The following BRI3 variants were observed in gnomAD, a reference collection of about 807,000 sequenced individuals.
The protein encoded by BRI3 is membrane protein BRI3.
BRI3 carries 6 observed loss-of-function variants against 12.8 expected under a neutral mutation model. The observed-to-expected ratio is 0.47, with a 90% CI of 0.26 to 0.93. The LOEUF is 0.93. Among genes scored for constraint, BRI3 ranks in the 40% least tolerant of loss-of-function variants. The pLI is 0.15. For missense variants in BRI3, 134 were observed against 171.1 expected (o/e 0.78, Z 1.21); for synonymous variants, 91 against 76.1 (o/e 1.20, Z -1.02).
downstream of BRI3, chr7:98,293,924 C>A: frequency 1.1e-6 from 1 of 912,026 alleles, no homozygotes. Context: ...GTTGGTAAAG[C>A]GAGCAGGGGG....
Position 98,281,850 on chromosome 7 carries a change from G to T in BRI3, c.55G>T (p.Gly19Cys). 1 of 1,301,544 alleles carries T rather than the reference G, an allele frequency of 7.7e-7. No individual in the cohort carries two copies. The highest frequency in any genetic ancestry group is 9.8e-7 in the Non-Finnish European group (1 of 1,021,832). The allele number at this position is 1,301,544 out of a possible 1,614,324, so 80.6% of individuals were successfully genotyped here. A position where few individuals can be genotyped will look rare whatever the true frequency, so the allele number is the denominator to read the frequency against. The change falls in exon 1 of 3, where the codon GGC becomes TGC. Residue 19 changes from glycine to cysteine, a missense_variant. By Grantham distance (159) the Gly-to-Cys change is radical. Coordinates refer to ENST00000297290, the MANE Select transcript of BRI3 (RefSeq NM_015379.5). ...ERPPAYNLEAGQGDYACGPHG... is the reference protein window; with the variant it reads ...ERPPAYNLEACQGDYACGPHG... ...GCCGCCCGCCTACAACCTGGAGGCCGGCCAGGGCGACTACGCGTGCGGCCC... is the reference window on the plus strand; with the variant it reads ...GCCGCCCGCCTACAACCTGGAGGCCTGCCAGGGCGACTACGCGTGCGGCCC...
At chr7:98,318,599 C>T in the BRI3 span, among the ~76,000 whole-genome samples, 1 of 151,754 alleles carries the variant, frequency 6.6e-6, no homozygotes, top group African/African-American at 2.4e-5. Context: ...CTTAAACGGA[C>T]CCGCGTCAGA....
chr7:98,318,945 CAA>C, the BRI3 span, among the ~76,000 whole-genome samples: 43 of 114,550 alleles, frequency 3.8e-4, no homozygotes, highest in South Asian at 5.8e-4. Flanking sequence ...GACTCCATCT[CAA>C]AAAAAAAAAA....
the BRI3 span, chr7:98,317,073 G>A: frequency 9.3e-5 from 93 of 999,834 alleles, no homozygotes; most frequent in Middle Eastern, 2.2e-4. Flanking sequence ...GGCTGGTCTC[G>A]AACTCCTGAC....
At chr7:98,307,613 GAC>G in exon 2 of BRI3, 2 of 1,583,502 alleles carry the variant, frequency 1.3e-6, no homozygotes, top group South Asian at 1.1e-5. Context: ...TGTCCACGAA[GAC>G]AGTTTGCAGC....
downstream of BRI3, among the ~76,000 whole-genome samples, chr7:98,295,582 G>C (rs910116825): frequency 5.3e-5 from 8 of 152,168 alleles, no homozygotes; most frequent in African/African-American, 1.7e-4. Flanking sequence ...CTCTGTTGCA[G>C]AAGGGCCATG....
chr7:98,293,389 G>T, downstream of BRI3: 1 of 807,098 alleles, frequency 1.2e-6, no homozygotes, highest in Non-Finnish European at 2.0e-6. Context: ...AGCATGATTT[G>T]CTTAAGCAGG....
downstream of BRI3, chr7:98,291,591 G>A (rs568197007): frequency 6.8e-6 from 7 of 1,030,544 alleles, no homozygotes; most frequent in South Asian, 2.6e-5. Flanking sequence ...CACCCCCATC[G>A]CTCCCCCGGC....
At chr7:98,315,652 C>T in the BRI3 span, 2 of 1,023,480 alleles carry the variant, frequency 2.0e-6, no homozygotes, top group African/African-American at 1.7e-5. Context: ...ATTATATAAG[C>T]ATGACATGAG....
chr7:98,293,059 A>G (rs544257048), downstream of BRI3: 31 of 794,394 alleles, frequency 3.9e-5, no homozygotes, highest in South Asian at 1.4e-3. Flanking sequence ...GCTTAAAATT[A>G]TGATTTGCAT....
intron 1 of BRI3, among the ~76,000 whole-genome samples, chr7:98,300,758 C>T (rs1251822560): frequency 5.3e-5 from 8 of 152,138 alleles, no homozygotes; most frequent in Middle Eastern, 3.2e-3. Flanking sequence ...CGGCACCACT[C>T]CCCTCGCAGG....
chr7:98,312,294 CAAAG>C (rs758546968), downstream of BRI3: 14 of 1,575,794 alleles, frequency 8.9e-6, no homozygotes, highest in Middle Eastern at 1.7e-4. Flanking sequence ...AGACTAAAGA[CAAAG>C]AAGATTGTCT....
downstream of BRI3, among the ~76,000 whole-genome samples, chr7:98,297,163 G>A (rs1321129576): frequency 1.3e-5 from 2 of 152,186 alleles, no homozygotes; most frequent in African/African-American, 4.8e-5. Flanking sequence ...GGCTGACTGC[G>A]GCCAGGGTGG....
chr7:98,282,019 G>C, intron 1 of BRI3, 82 bp downstream of exon 1: 1 of 1,304,764 alleles, frequency 7.7e-7, no homozygotes, highest in Non-Finnish European at 9.7e-7. Context: ...GAGGCGGGTG[G>C]GGCCCGCCCG....
At chr7:98,298,824 C>G (rs1020930930) in intron 1 of BRI3, among the ~76,000 whole-genome samples, 1 of 151,938 alleles carries the variant, frequency 6.6e-6, no homozygotes, top group African/African-American at 2.4e-5. Flanking sequence ...CCAGAGGCCC[C>G]CGGGGCTTTC....
intron 2 of BRI3, among the ~76,000 whole-genome samples, chr7:98,285,949 G>T (rs1297134685): frequency 6.6e-6 from 1 of 152,208 alleles, no homozygotes; most frequent in Non-Finnish European, 1.5e-5. Context: ...GCCTTCCAGC[G>T]GGGTGGTGGT....
the BRI3 span, among the ~76,000 whole-genome samples, chr7:98,322,617 CACCAGGTG>C: frequency 6.6e-6 from 1 of 152,178 alleles, no homozygotes; most frequent in Non-Finnish European, 1.5e-5. Context: ...AAGACATGTT[CACCAGGTG>C]ATCTGTTCCA....
downstream of BRI3, chr7:98,293,243 TAA>T (rs1170446556): frequency 8.2e-6 from 3 of 365,490 alleles, no homozygotes; most frequent in Non-Finnish European, 1.5e-5. Flanking sequence ...AAAAATACAG[TAA>T]AGATTGAAAC....
downstream of BRI3, chr7:98,312,377 T>TG: frequency 8.5e-7 from 1 of 1,179,432 alleles, no homozygotes; most frequent in Non-Finnish European, 1.2e-6. Context: ...ACCAGGAGTG[T>TG]GGGGGCCCTG....
Sources: allele counts gnomAD v4.1 joint callset (sites outside exome capture counted in the v4.1 genomes callset), GRCh38; gene constraint gnomAD v4.1.1; transcripts MANE v1.5; gene names NCBI Gene and HGNC (gene_info 2026-07-23, HGNC 2026-07-21).